Variants in SCRG1 observed in about 807,000 individuals in gnomAD.
SCRG1 encodes scrapie-responsive protein 1.
Under a neutral mutation model 7.7 loss-of-function variants are expected in SCRG1, and 3 were observed. That is an observed-to-expected ratio of 0.39 (90% CI 0.18 to 1.01). SCRG1 has a LOEUF of 1.01. Among genes scored for constraint, SCRG1 ranks in the 50% least tolerant of loss-of-function variants. The pLI, the probability that SCRG1 is intolerant of heterozygous loss-of-function variation, is 0.36. For synonymous variants in SCRG1, 46 were observed against 41.2 expected (o/e 1.12, Z -0.44); for missense variants, 110 against 117.2 (o/e 0.94, Z 0.28).
At chr4:173,486,618 C>G in the SCRG1 span, among the ~76,000 whole-genome samples, 1 of 152,146 alleles carries the variant, frequency 6.6e-6, no homozygotes, top group Non-Finnish European at 1.5e-5. Context: ...GACACTAAAT[C>G]TTTTTGGCTA....
chr4:173,483,199 TTATATGATATATCATATA>T, the SCRG1 span, among the ~76,000 whole-genome samples: 1 of 73,886 alleles, frequency 1.4e-5, no homozygotes, highest in Non-Finnish European at 2.1e-5. Flanking sequence ...ATGATATATA[TTATATGATATATCATATA>T]ATATATATAT....
At chr4:173,474,979 C>A in the SCRG1 span, among the ~76,000 whole-genome samples, 1 of 150,078 alleles carries the variant, frequency 6.7e-6, no homozygotes, top group South Asian at 2.1e-4. Flanking sequence ...CTCCTCCATT[C>A]AATTAAACTA....
the SCRG1 span, among the ~76,000 whole-genome samples, chr4:173,454,634 C>A: frequency 6.6e-6 from 1 of 152,144 alleles, no homozygotes; most frequent in Admixed American, 6.5e-5. Flanking sequence ...AGGGTGTCAT[C>A]CACATGTGTT....
the SCRG1 span, among the ~76,000 whole-genome samples, chr4:173,445,417 A>G: frequency 6.6e-6 from 1 of 151,678 alleles, no homozygotes; most frequent in Admixed American, 6.6e-5. Context: ...CCCCGCCTCT[A>G]CTAAATATAC....
rs1739268654 is a variant in SCRG1 at position 173,387,165 on chromosome 4, G to T, written c.*1176C>A. The T allele has an allele frequency of 6.6e-6, 1 of 150,630 alleles. No homozygotes were observed. Among genetic ancestry groups the T allele is most frequent in the Non-Finnish European group, 1.5e-5 (1 of 67,820 alleles). 9.3% of individuals were successfully genotyped at this position (150,630 alleles called of 1,614,324 possible). ...TTTAGGAAATGTATCATGGTTTTAA[G>T]GATACATCTGTGTGTGGCATATGGG... On this transcript the variant is annotated 3_prime_UTR_variant, in exon 3 of 3. Coordinates refer to ENST00000296506, the MANE Select transcript of SCRG1 (RefSeq NM_007281.4).
At chr4:173,492,045 G>A in the SCRG1 span, among the ~76,000 whole-genome samples, 10 of 151,974 alleles carry the variant, frequency 6.6e-5, no homozygotes, top group African/African-American at 2.2e-4. Flanking sequence ...CAGGAGGATC[G>A]CTTGAGCCTG....
the SCRG1 span, chr4:173,419,859 C>A: frequency 8.4e-7 from 1 of 1,196,604 alleles, no homozygotes; most frequent in Non-Finnish European, 1.2e-6. Context: ...AGCCTGCGGG[C>A]CAGCAGCAGG....
At chr4:173,507,759 C>G in the SCRG1 span, among the ~76,000 whole-genome samples, 1 of 152,160 alleles carries the variant, frequency 6.6e-6, no homozygotes, top group African/African-American at 2.4e-5. This position sits in a 1 kb window ranked among gnomAD's most constrained non-coding sequence, Gnocchi z 4.4. Flanking sequence ...TATCACAGAC[C>G]CTCCGGAGCA....
chr4:173,458,107 G>C, the SCRG1 span, among the ~76,000 whole-genome samples: 1 of 152,146 alleles, frequency 6.6e-6, no homozygotes, highest in African/African-American at 2.4e-5. Flanking sequence ...ATCCCTAACT[G>C]CCCTCAGGGT....
At chr4:173,441,924 C>T in the SCRG1 span, among the ~76,000 whole-genome samples, 1 of 152,152 alleles carries the variant, frequency 6.6e-6, no homozygotes, top group Non-Finnish European at 1.5e-5. Context: ...GAAAGCAAAA[C>T]AAGTAATATA....
intron 1 of SCRG1, 132 bp from the exon 2 acceptor site, chr4:173,391,560 G>T: frequency 1.2e-6 from 1 of 865,218 alleles, no homozygotes. Flanking sequence ...CTACAATCCT[G>T]TTTGTGTTTC....
At chr4:173,416,387 T>C in the SCRG1 span, among the ~76,000 whole-genome samples, 1 of 152,230 alleles carries the variant, frequency 6.6e-6, no homozygotes, top group Non-Finnish European at 1.5e-5. Context: ...ATCTTGTGGC[T>C]GCTAGATATA....
the SCRG1 span, among the ~76,000 whole-genome samples, chr4:173,454,956 G>A: frequency 1.3e-5 from 2 of 152,138 alleles, no homozygotes; most frequent in African/African-American, 4.8e-5. Flanking sequence ...ACTGGAGATT[G>A]GAATTCTGTG....
chr4:173,484,701 C>CATATAATACATATTATATATTATATAG, the SCRG1 span, among the ~76,000 whole-genome samples: 1 of 86,546 alleles, frequency 1.2e-5, no homozygotes, highest in African/African-American at 5.0e-5. Context: ...ATATTATATG[C>CATATAATACATATTATATATTATATAG]ATATAATACA....
At chr4:173,484,868 T>G in the SCRG1 span, among the ~76,000 whole-genome samples, 1 of 78,574 alleles carries the variant, frequency 1.3e-5, no homozygotes, top group Non-Finnish European at 2.2e-5. Flanking sequence ...ATTATGTATA[T>G]TTTATATATT....
the SCRG1 span, among the ~76,000 whole-genome samples, chr4:173,478,234 A>G: frequency 3.3e-5 from 5 of 152,176 alleles, no homozygotes; most frequent in Non-Finnish European, 5.9e-5. Flanking sequence ...ATATAGTCTC[A>G]TGTAAGAGGT....
At chr4:173,448,640 TG>T in the SCRG1 span, among the ~76,000 whole-genome samples, 1 of 152,204 alleles carries the variant, frequency 6.6e-6, no homozygotes, top group Non-Finnish European at 1.5e-5. Flanking sequence ...TATTTATTTT[TG>T]CATTCAGAGA....
chr4:173,443,742 G>A, the SCRG1 span, among the ~76,000 whole-genome samples: 5 of 151,712 alleles, frequency 3.3e-5, no homozygotes, highest in African/African-American at 7.3e-5. Context: ...TATGTTTCTC[G>A]GTTGCTCTTG....
At chr4:173,444,643 C>T in the SCRG1 span, among the ~76,000 whole-genome samples, 12,339 of 152,236 alleles carry the variant, frequency 0.081, 595 homozygotes, top group Non-Finnish European at 0.098. Flanking sequence ...CAAAATGGCA[C>T]GTGCATGTGA....
Sources: allele counts gnomAD v4.1 joint callset (sites outside exome capture counted in the v4.1 genomes callset), GRCh38; gene constraint gnomAD v4.1.1; non-coding constraint Gnocchi (gnomAD v3.1); transcripts MANE v1.5; gene names NCBI Gene and HGNC (gene_info 2026-07-23, HGNC 2026-07-21).